The following UBE2D2 variants were observed in gnomAD, a reference collection of about 807,000 sequenced individuals.
UBE2D2 encodes the protein ubiquitin conjugating enzyme E2 D2.
UBE2D2 carries 2 observed loss-of-function variants against 24.2 expected under a neutral mutation model. The observed-to-expected ratio is 0.08, with a 90% CI of 0.03 to 0.26. UBE2D2 has a LOEUF of 0.26. UBE2D2 is among the 10% of genes least tolerant of loss of function. The pLI, the probability that UBE2D2 is intolerant of heterozygous loss-of-function variation, is 1.00. For synonymous variants in UBE2D2, 58 were observed against 56.5 expected (o/e 1.03, Z -0.12); for missense variants, 44 against 177.6 (o/e 0.25, Z 4.28).
intron 6 of UBE2D2, chr5:139,623,778 G>A (rs192416072): frequency 1.4e-4 from 25 of 174,794 alleles, no homozygotes; most frequent in Admixed American, 1.3e-3. Flanking sequence ...TGCAACCTCC[G>A]CCTCCTGGGT....
chr5:139,624,169 C>T (rs1020995479), intron 6 of UBE2D2, among the ~76,000 whole-genome samples: 2 of 152,078 alleles, frequency 1.3e-5, no homozygotes, highest in African/African-American at 4.8e-5. Context: ...AAATAAATGC[C>T]ATTAGACGTG....
intron 1 of UBE2D2, among the ~76,000 whole-genome samples, chr5:139,598,552 C>CTTTTTTTT (rs746165110): frequency 2.9e-5 from 3 of 104,952 alleles, no homozygotes; most frequent in African/African-American, 4.1e-5. Context: ...ACTACAAAGC[C>CTTTTTTTT]TTTTTTTTTT....
At chr5:139,610,563 T>C (rs1754296110) in intron 2 of UBE2D2, among the ~76,000 whole-genome samples, 1 of 150,204 alleles carries the variant, frequency 6.7e-6, no homozygotes, top group Non-Finnish European at 1.5e-5. Flanking sequence ...ATTTTTTTTT[T>C]TGCTTGATAT....
intron 1 of UBE2D2, among the ~76,000 whole-genome samples, chr5:139,593,574 G>A: frequency 6.6e-6 from 1 of 151,968 alleles, no homozygotes; most frequent in East Asian, 1.9e-4. Flanking sequence ...ATTGATGTAT[G>A]TAATAAACAC....
At chr5:139,561,944 C>T (rs1017535889) in intron 1 of UBE2D2, 129 bp downstream of exon 1, 53 of 1,264,442 alleles carry the variant, frequency 4.2e-5, no homozygotes, top group African/African-American at 3.8e-4. Context: ...CTCGGGGCGG[C>T]CTCCATACCC....
intron 2 of UBE2D2, among the ~76,000 whole-genome samples, chr5:139,604,863 G>C (rs1488256973): frequency 6.6e-6 from 1 of 150,892 alleles, no homozygotes; most frequent in Non-Finnish European, 1.5e-5. Context: ...TTGGATGACA[G>C]GTTGAGACCC....
chr5:139,583,936 G>A (rs1224940574), intron 1 of UBE2D2, among the ~76,000 whole-genome samples: 3 of 152,148 alleles, frequency 2.0e-5, no homozygotes, highest in Admixed American at 2.0e-4. Context: ...CTGTTGCCTA[G>A]TGACATAGCT....
At chr5:139,574,454 G>C (rs1404010350) in intron 1 of UBE2D2, among the ~76,000 whole-genome samples, 1 of 151,746 alleles carries the variant, frequency 6.6e-6, no homozygotes, top group Non-Finnish European at 1.5e-5. Flanking sequence ...CTTATACAGA[G>C]AATCTCTTCT....
chr5:139,573,691 C>T (rs771124704), intron 1 of UBE2D2, among the ~76,000 whole-genome samples: 33 of 151,868 alleles, frequency 2.2e-4, no homozygotes, highest in Non-Finnish European at 1.3e-4. Context: ...CTTTCTCGGC[C>T]GGGCGCAGTG....
chr5:139,561,595 G>T lies in UBE2D2; in HGVS notation c.-197G>T, dbSNP rs1451258421. The T allele has an allele frequency of 2.3e-6, 1 of 439,728 alleles. No homozygotes were observed. The highest frequency in any genetic ancestry group is 3.6e-5 in the East Asian group (1 of 28,158). 27.2% of individuals were successfully genotyped at this position (439,728 alleles called of 1,614,324 possible). On this transcript the variant is annotated 5_prime_UTR_variant, in exon 1 of 7. The change abolishes an upstream ATG in the 5' untranslated region. Transcript: ENST00000398733. Reference sequence around the variant, plus strand: ...AATAAAGGGGCCGCCGCCGGGTGATGCGGTGACCGCTGCGGCAGGCCCAGG... The same window carrying T: ...AATAAAGGGGCCGCCGCCGGGTGATTCGGTGACCGCTGCGGCAGGCCCAGG...
chr5:139,545,692 G>A (rs1752818663), intron 1 of UBE2D2, among the ~76,000 whole-genome samples: 1 of 151,096 alleles, frequency 6.6e-6, no homozygotes, highest in Admixed American at 6.6e-5. Flanking sequence ...CCAAAGGTCT[G>A]GGATTACTGG....
intron 5 of UBE2D2, among the ~76,000 whole-genome samples, chr5:139,622,002 A>T (rs563358943): frequency 6.6e-6 from 1 of 152,244 alleles, no homozygotes; most frequent in South Asian, 2.1e-4. Context: ...CTTGGTCTAG[A>T]ATTTAGACAA....
intron 5 of UBE2D2, among the ~76,000 whole-genome samples, chr5:139,620,585 A>G (rs1754496040): frequency 6.6e-6 from 1 of 152,190 alleles, no homozygotes; most frequent in Non-Finnish European, 1.5e-5. Flanking sequence ...GAGTCAGAAA[A>G]CATCTCTCCT....
intron 1 of UBE2D2, among the ~76,000 whole-genome samples, chr5:139,581,336 C>T (rs1753598668): frequency 1.3e-5 from 2 of 151,862 alleles, no homozygotes; most frequent in Admixed American, 1.3e-4. Context: ...GTAATCCCAG[C>T]TACTGAGGAG....
intron 1 of UBE2D2, among the ~76,000 whole-genome samples, chr5:139,537,889 G>A (rs917265079): frequency 2.0e-5 from 3 of 151,710 alleles, no homozygotes; most frequent in Non-Finnish European, 4.4e-5. Flanking sequence ...ATGTGAACCC[G>A]GGAGGCGGAG....
intron 4 of UBE2D2, 40 bp downstream of exon 4, chr5:139,614,814 A>G (rs745905600): frequency 2.0e-5 from 33 of 1,611,462 alleles, no homozygotes; most frequent in Non-Finnish European, 2.7e-5. Flanking sequence ...TGTACTTTCT[A>G]TAATACTAAT....
At position 139,614,606 on chromosome 5, in the gene UBE2D2, A is replaced by G. The variant is rs1188872187; in HGVS notation, c.109A>G (p.Ile37Val). The stretch of plus-strand genomic sequence containing the variant: ...TTCAGTGTTCCATTGGCAAGCTACA[A>G]TAATGGGGCCAGTAAGTATTCAGAT... The part of the protein sequence containing the change: ...GDDMFHWQAT[I>V]MGPNDSPYQG... Residue 37 changes from isoleucine (I) to valine (V), a missense_variant, in exon 3 of 7, where the codon ATA becomes GTA. Coordinates refer to ENST00000398733, the MANE Select transcript of UBE2D2 (RefSeq NM_003339.3). 1 of 1,613,450 alleles carries G rather than the reference A, an allele frequency of 6.2e-7. No individual in the cohort carries two copies. Among genetic ancestry groups the G allele is most frequent in the Non-Finnish European group, 8.5e-7 (1 of 1,179,964 alleles).
Position 139,614,061 on chromosome 5 carries a change from C to CAA in UBE2D2, c.89-506_89-505dup, listed in dbSNP as rs34610126. 3.8e-3 allele frequency among the ~76,000 whole-genome samples: 339 copies of CAA among 89,152 alleles called. 4 individuals are homozygous for CAA. Among genetic ancestry groups the CAA allele is most frequent in the Non-Finnish European group, 6.1e-3 (259 of 42,262 alleles). 58.5% of individuals were successfully genotyped at this position (89,152 alleles called of 152,430 possible). ...TGGGCGATAGAGTGAGACTCTGTCT[C>CAA]AAAAAAAAAAAAAAAAAAAAGTGTA... On this transcript the variant is annotated intron_variant, in intron 2 of 6. Coordinates refer to ENST00000398733, the MANE Select transcript of UBE2D2 (RefSeq NM_003339.3).
At chr5:139,590,532 A>G (rs1295970919) in intron 1 of UBE2D2, among the ~76,000 whole-genome samples, 3 of 152,102 alleles carry the variant, frequency 2.0e-5, no homozygotes, top group Non-Finnish European at 4.4e-5. Context: ...AGGGAAAGCA[A>G]AGTACAGAAG....
Sources: allele counts gnomAD v4.1 joint callset (sites outside exome capture counted in the v4.1 genomes callset), GRCh38; gene constraint gnomAD v4.1.1; transcripts MANE v1.5; gene names NCBI Gene and HGNC (gene_info 2026-07-23, HGNC 2026-07-21).